The following PPP2R3C variants were observed in gnomAD, a reference collection of about 807,000 sequenced individuals.
The protein encoded by PPP2R3C is serine/threonine-protein phosphatase 2A regulatory subunit B'' subunit gamma.
PPP2R3C carries 47 observed loss-of-function variants against 63.7 expected under a neutral mutation model. The observed-to-expected ratio is 0.74, with a 90% CI of 0.58 to 0.94. The LOEUF is 0.94. Ranked by LOEUF, PPP2R3C falls within the 40% of genes least tolerant of loss-of-function variation. The pLI is 0.00. For synonymous variants in PPP2R3C, 180 were observed against 177.4 expected (o/e 1.01, Z -0.12); for missense variants, 421 against 518.4 (o/e 0.81, Z 1.82).
chr14:35,099,233 A>T lies in PPP2R3C; in HGVS notation c.706+19T>A. 6.5e-7 allele frequency: 1 copy of T among 1,539,376 alleles called. No individual in the cohort carries two copies. Among genetic ancestry groups the T allele is most frequent in the Non-Finnish European group, 8.7e-7 (1 of 1,151,692 alleles). The stretch of plus-strand genomic sequence containing the variant: ...ATAATATCCTCATAATATCTAAGTT[A>T]GATAAGATTTTCTTTTACCTGTTCT... On this transcript the variant is annotated intron_variant, in intron 7 of 12. Transcript: ENST00000261475.
chr14:35,112,058 T>C (rs2138701595), intron 2 of PPP2R3C, among the ~76,000 whole-genome samples: 1 of 152,338 alleles, frequency 6.6e-6, no homozygotes, highest in Non-Finnish European at 1.5e-5. Context: ...TAATTCTTCC[T>C]GTCCAGCAAA....
chr14:35,092,579 G>A (rs1176602144), intron 10 of PPP2R3C, among the ~76,000 whole-genome samples: 2 of 152,094 alleles, frequency 1.3e-5, no homozygotes, highest in African/African-American at 4.8e-5. Flanking sequence ...TCATTCTCCT[G>A]CCTCAGCCTC....
chr14:35,095,665 C>T lies in PPP2R3C; in HGVS notation c.839-481G>A, dbSNP rs187170795. 3.9e-3 allele frequency among the ~76,000 whole-genome samples: 574 copies of T among 148,560 alleles called. 1 individual carries two copies. Among genetic ancestry groups the T allele is most frequent in the Middle Eastern group, 0.01 (3 of 294 alleles). On this transcript the variant is annotated intron_variant, in intron 9 of 12. Coordinates refer to ENST00000261475, the MANE Select transcript of PPP2R3C (RefSeq NM_017917.4). The stretch of plus-strand genomic sequence containing the variant: ...CAGCCTGGCCAACATAGTGAAACAC[C>T]GTCTCTACTAAAAAAAAAAACAAAA...
At chr14:35,114,534 A>C (rs1248190209) in intron 2 of PPP2R3C, among the ~76,000 whole-genome samples, 1 of 152,242 alleles carries the variant, frequency 6.6e-6, no homozygotes, top group African/African-American at 2.4e-5. Context: ...TAGAGTTAGA[A>C]GGTAATAGGT....
chr14:35,085,677 G>T lies in PPP2R3C; in HGVS notation c.1275C>A (p.Ile425=), dbSNP rs369628097. The change falls in exon 13 of 13, where the codon ATC becomes ATA. Residue 425 remains isoleucine, a synonymous_variant. Coordinates refer to ENST00000261475, the MANE Select transcript of PPP2R3C (RefSeq NM_017917.4). ...NQGDTVTTIL[I]DLNGFWTYEN... ...CGTAAGTCCAGAAGCCATTCAAATC[G>T]ATTAGAATGGTGGTTACTGTGTCTC... 5 of 1,613,190 alleles carry T rather than the reference G, an allele frequency of 3.1e-6. No homozygotes were observed. The highest frequency in any genetic ancestry group is 2.7e-5 in the African/African-American group (2 of 75,004).
At chr14:35,090,688 C>T (rs568826482) in intron 11 of PPP2R3C, among the ~76,000 whole-genome samples, 4 of 151,266 alleles carry the variant, frequency 2.6e-5, no homozygotes, top group African/African-American at 7.3e-5. Flanking sequence ...TCCCTCTAGC[C>T]ACTGCTTTTG....
intron 12 of PPP2R3C, chr14:35,086,061 A>T (rs1049840227): frequency 3.1e-6 from 1 of 324,580 alleles, no homozygotes; most frequent in Non-Finnish European, 5.6e-6. Context: ...CTCAGTGCCT[A>T]ATCTAGCTAC....
At chr14:35,092,017 GC>G (rs1250854584) in intron 10 of PPP2R3C, among the ~76,000 whole-genome samples, 3 of 152,036 alleles carry the variant, frequency 2.0e-5, no homozygotes, top group African/African-American at 7.2e-5. Flanking sequence ...ACTGTGCCCA[GC>G]CCTAGTTCAT....
chr14:35,098,114 C>CTT (rs1484214877), intron 7 of PPP2R3C, among the ~76,000 whole-genome samples: 1 of 151,144 alleles, frequency 6.6e-6, no homozygotes, highest in Non-Finnish European at 1.5e-5. Context: ...TATGTGTGTA[C>CTT]TTATAGTAGA....
At chr14:35,091,012 C>A in intron 11 of PPP2R3C, 58 bp downstream of exon 11, 2 of 1,491,032 alleles carry the variant, frequency 1.3e-6, no homozygotes, top group Non-Finnish European at 1.8e-6. Flanking sequence ...ACTGCACCGG[C>A]AGCAACAAAA....
chr14:35,121,659 T>C (rs536251041), intron 1 of PPP2R3C, among the ~76,000 whole-genome samples: 2 of 152,310 alleles, frequency 1.3e-5, no homozygotes, highest in African/African-American at 4.8e-5. Context: ...TTCACAAGTT[T>C]AGATTAAGAC....
chr14:35,095,494 T>C (rs1414350593), intron 9 of PPP2R3C, among the ~76,000 whole-genome samples: 1 of 151,770 alleles, frequency 6.6e-6, no homozygotes, highest in Admixed American at 6.6e-5. Flanking sequence ...TAAATGGAGG[T>C]AGAGGCCAAC....
At position 35,088,004 on chromosome 14, in the gene PPP2R3C, G is replaced by T. The variant is rs138071859; in HGVS notation, c.1120C>A (p.Gln374Lys). 1.1e-5 allele frequency: 18 copies of T among 1,586,472 alleles called. No individual in the cohort carries two copies. The highest frequency in any genetic ancestry group is 1.4e-5 in the Non-Finnish European group (16 of 1,155,184). The change falls in exon 12 of 13, where the codon CAG becomes AAG. Residue 374 changes from glutamine to lysine, a missense_variant. By Grantham distance (53) the Gln-to-Lys change is moderately conservative. Transcript: ENST00000261475. Reference protein sequence around the residue: ...FSLNYFFRAIQELMKIHGQDP... With the variant: ...FSLNYFFRAIKELMKIHGQDP... The stretch of plus-strand genomic sequence containing the variant: ...TGTCCATGGATTTTCATTAGTTCCT[G>T]TATGGCCTGTATTTAATAGAAATAA...
intron 9 of PPP2R3C, 128 bp downstream of exon 9, chr14:35,096,430 T>C: frequency 1.1e-6 from 1 of 899,150 alleles, no homozygotes; most frequent in Non-Finnish European, 1.7e-6. Flanking sequence ...TAATGTAGAA[T>C]ACTAAAGCTT....
chr14:35,109,297 C>T (rs1026899646), intron 4 of PPP2R3C, among the ~76,000 whole-genome samples: 9 of 152,218 alleles, frequency 5.9e-5, no homozygotes, highest in African/African-American at 1.4e-4. Context: ...CCTCGTGATC[C>T]GCTCACCTCA....
At chr14:35,106,690 G>A (rs1326906698) in intron 6 of PPP2R3C, among the ~76,000 whole-genome samples, 1 of 127,232 alleles carries the variant, frequency 7.9e-6, no homozygotes, top group Admixed American at 8.2e-5. Context: ...TTTTTGAGAC[G>A]GAGTTTCACT....
At position 35,120,762 on chromosome 14, in the gene PPP2R3C, C is replaced by T. The variant is rs192698826; in HGVS notation, c.58+1140G>A. 2.2e-3 allele frequency among the ~76,000 whole-genome samples: 329 copies of T among 152,052 alleles called. 2 individuals are homozygous for T. The highest frequency in any genetic ancestry group is 6.8e-3 in the Middle Eastern group (2 of 294). On this transcript the variant is annotated intron_variant, in intron 1 of 12. Coordinates refer to ENST00000261475, the MANE Select transcript of PPP2R3C (RefSeq NM_017917.4). ...AGGAATTCGAGACCAGCCCAGGCAACATAGCAAGACCTCATCTCCACTAAA... is the reference window on the plus strand; with the variant it reads ...AGGAATTCGAGACCAGCCCAGGCAATATAGCAAGACCTCATCTCCACTAAA...
intron 10 of PPP2R3C, 127 bp from the exon 11 acceptor site, chr14:35,091,334 A>G: frequency 1.2e-6 from 1 of 852,692 alleles, no homozygotes; most frequent in East Asian, 2.9e-5. Context: ...AAGTTATGAT[A>G]TGAGAAATCC....
At chr14:35,090,618 A>C (rs1161311643) in intron 11 of PPP2R3C, among the ~76,000 whole-genome samples, 2 of 152,102 alleles carry the variant, frequency 1.3e-5, no homozygotes, top group African/African-American at 4.8e-5. Context: ...AATTTCCTAA[A>C]GTAGATGCTG....
Sources: gnomAD v4.1 joint callset for allele counts (sites outside exome capture counted in the v4.1 genomes callset) on GRCh38, gnomAD v4.1.1 for gene constraint, MANE v1.5 for transcripts, NCBI Gene and HGNC (gene_info 2026-07-23, HGNC 2026-07-21) for gene names.